The following CASR variants were observed in gnomAD, a reference collection of about 807,000 sequenced individuals.
CASR encodes calcium sensing receptor.
A neutral mutation model predicts 69.1 loss-of-function variants in CASR; 23 were observed. The observed-to-expected ratio is 0.33, with a 90% CI of 0.24 to 0.47. The LOEUF (loss-of-function observed/expected upper bound fraction) is 0.47, where lower values mean the gene tolerates loss of function less well. CASR is among the 20% of genes least tolerant of loss of function. The pLI is 1.00. For synonymous variants in CASR, 541 were observed against 544.7 expected (o/e 0.99, Z 0.10); for missense variants, 924 against 1,356.1 (o/e 0.68, Z 5.00).
At chr3:122,203,042 G>A (rs1401574156) in intron 1 of CASR, among the ~76,000 whole-genome samples, 1 of 152,136 alleles carries the variant, frequency 6.6e-6, no homozygotes, top group Non-Finnish European at 1.5e-5. Context: ...AATTATTCCA[G>A]CCAAGTATTA....
chr3:122,245,553 CTT>C (rs1360932406), intron 1 of CASR: 10 of 152,002 alleles, frequency 6.6e-5, no homozygotes, highest in Non-Finnish European at 1.5e-4. Flanking sequence ...ATAATGGCTT[CTT>C]TAGTGCCAAC....
chr3:122,279,150 G>A (rs1486943944), intron 5 of CASR, among the ~76,000 whole-genome samples: 3 of 152,086 alleles, frequency 2.0e-5, no homozygotes, highest in African/African-American at 4.8e-5. Context: ...CACTATCAAG[G>A]ACTATGAGGC....
chr3:122,209,008 C>T (rs2074035982), intron 1 of CASR, among the ~76,000 whole-genome samples: 1 of 152,176 alleles, frequency 6.6e-6, no homozygotes, highest in African/African-American at 2.4e-5. Context: ...TCCCCTGAAA[C>T]CTTGAGGGCA....
At chr3:122,261,158 G>A (rs990441019) in intron 3 of CASR, among the ~76,000 whole-genome samples, 1 of 152,214 alleles carries the variant, frequency 6.6e-6, no homozygotes, top group African/African-American at 2.4e-5. Flanking sequence ...AACCAATGAG[G>A]CAGCACAGAG....
rs563851596 is a variant in CASR, at chr3:122,264,939, C to T, written c.1377+2527C>T. ...CAAGTCTCCAGCTGGAACTCCATGT[C>T]TGCCTTCTCTCAGTTCTTCCCCTAT... On this transcript the variant is annotated intron_variant, in intron 4 of 6. Transcript: ENST00000639785. Among the ~76,000 whole-genome samples, 5 of 152,356 alleles carry T rather than the reference C, an allele frequency of 3.3e-5. No individual in the cohort carries two copies. In the South Asian group the frequency reaches 1.0e-3, roughly 32 times the overall value.
chr3:122,265,142 G>A (rs753542993), intron 4 of CASR, among the ~76,000 whole-genome samples: 9 of 152,200 alleles, frequency 5.9e-5, no homozygotes, highest in Admixed American at 4.6e-4. Flanking sequence ...TTTTCAAATC[G>A]TATTCCCACA....
intron 1 of CASR, among the ~76,000 whole-genome samples, chr3:122,237,718 G>A (rs1042701773): frequency 5.9e-5 from 9 of 152,078 alleles, no homozygotes; most frequent in Non-Finnish European, 1.2e-4. Context: ...GGGAACATAG[G>A]TAGATACAAT....
chr3:122,186,119 A>C (rs2073780961), intron 1 of CASR, among the ~76,000 whole-genome samples: 1 of 152,216 alleles, frequency 6.6e-6, no homozygotes, highest in Admixed American at 6.5e-5. Context: ...AAATTAGTTA[A>C]AAATTTTCTT....
Position 122,287,135 on chromosome 3 carries a change from T to A in CASR, c.*1944T>A, listed in dbSNP as rs1319484235. The A allele has an allele frequency of 6.6e-6, 1 of 152,200 alleles. No homozygotes were observed. The highest frequency in any genetic ancestry group is 6.5e-5 in the Admixed American group (1 of 15,280). The allele number at this position is 152,200 out of a possible 1,614,324, so 9.4% of individuals were successfully genotyped here. A position where few individuals can be genotyped will look rare whatever the true frequency, so the allele number is the denominator to read the frequency against. ...TTATATTTAACATTTTACTTGGTCTTAAAAGAAATGCTGAAAATGTGATGG... is the reference window on the plus strand; with the variant it reads ...TTATATTTAACATTTTACTTGGTCTAAAAAGAAATGCTGAAAATGTGATGG... On this transcript the variant is annotated 3_prime_UTR_variant, in exon 7 of 7. Coordinates refer to ENST00000639785, the MANE Select transcript of CASR (RefSeq NM_000388.4).
chr3:122,252,409 A>AGGTAGGAAGGAAAAAGAAAG (rs1553765626), intron 1 of CASR, among the ~76,000 whole-genome samples: 4 of 6,472 alleles, frequency 6.2e-4, no homozygotes, highest in African/African-American at 2.3e-3. Flanking sequence ...GAAGGAAGGA[A>AGGTAGGAAGGAAAAAGAAAG]AAAGAAAGAA....
Position 122,207,952 on chromosome 3 carries a change from C to G in CASR, c.-243+24140C>G, listed in dbSNP as rs546151333. On this transcript the variant is annotated intron_variant, in intron 1 of 6. Coordinates refer to ENST00000639785, the MANE Select transcript of CASR (RefSeq NM_000388.4). ...TACTGAGAGTGGGTGTGAAAGTCCC[C>G]TACTATTACTGTATTGCAGTCTATC... is the stretch of plus-strand genomic sequence containing the variant. Among the ~76,000 whole-genome samples, 6 of 152,120 alleles carry G rather than the reference C, an allele frequency of 3.9e-5. No homozygotes were observed. In the South Asian group the frequency reaches 1.2e-3, roughly 32 times the overall value.
chr3:122,262,445 A>T lies in CASR; in HGVS notation c.1377+33A>T, dbSNP rs2074640120. The T allele has an allele frequency of 3.8e-6, 6 of 1,598,592 alleles. No individual in the cohort carries two copies. In the African/African-American group the frequency reaches 4.0e-5, roughly 11 times the overall value. On this transcript the variant is annotated intron_variant, in intron 4 of 6. Transcript: ENST00000639785. ...CTTCACTTATATAGCAATTTGCTGT[A>T]TAATAAAGCAGAGTTGGGCTGCAAC...
intron 1 of CASR, among the ~76,000 whole-genome samples, chr3:122,217,458 T>C (rs571741236): frequency 1.9e-4 from 29 of 152,264 alleles, no homozygotes; most frequent in Middle Eastern, 6.8e-3. Flanking sequence ...GTGTGATAGA[T>C]GGGAAAGGGG....
chr3:122,226,310 GGC>G (rs1323539622), intron 1 of CASR, among the ~76,000 whole-genome samples: 1 of 151,530 alleles, frequency 6.6e-6, no homozygotes, highest in Admixed American at 6.6e-5. Flanking sequence ...CAGCTCTTAA[GGC>G]AGCGTGTCTG....
rs538934288 is a variant in CASR, at chr3:122,290,002, G to A, written c.*4811G>A. 1 of 151,248 alleles carries A rather than the reference G, an allele frequency of 6.6e-6. No homozygotes were observed. The highest frequency in any genetic ancestry group is 1.5e-5 in the Non-Finnish European group (1 of 68,000). The allele number at this position is 151,248 out of a possible 1,614,324, so 9.4% of individuals were successfully genotyped here. On this transcript the variant is annotated 3_prime_UTR_variant, in exon 7 of 7. Transcript: ENST00000639785. Reference sequence around the variant, plus strand: ...GAGGCTGAGGTGGGGGGATCTGCTTGAGCCCAGGAGGTGAAGGCTGCATTG... The same window carrying A: ...GAGGCTGAGGTGGGGGGATCTGCTTAAGCCCAGGAGGTGAAGGCTGCATTG...
chr3:122,281,883 T>C lies in CASR; in HGVS notation c.1609-230T>C, dbSNP rs564741741. On this transcript the variant is annotated intron_variant, in intron 5 of 6. Transcript: ENST00000639785. The stretch of plus-strand genomic sequence containing the variant: ...GTCTGTGTATGTGTGCATGCACATG[T>C]GTGTGTGTGTGTGCATGTATACACA... 6.6e-5 allele frequency among the ~76,000 whole-genome samples: 10 copies of C among 151,446 alleles called. No individual in the cohort carries two copies. The East Asian group carries it at 1.7e-3, about 26-fold the overall frequency.
At chr3:122,263,925 C>T (rs1049266868) in intron 4 of CASR, among the ~76,000 whole-genome samples, 7 of 152,110 alleles carry the variant, frequency 4.6e-5, no homozygotes, top group Admixed American at 2.6e-4. Context: ...ATTGTCTTTT[C>T]TTTCTTACCT....
intron 1 of CASR, among the ~76,000 whole-genome samples, chr3:122,188,195 A>T (rs1032769206): frequency 6.6e-6 from 1 of 152,240 alleles, no homozygotes; most frequent in African/African-American, 2.4e-5. Context: ...ATTTAGAGAC[A>T]TTATAACCAT....
intron 1 of CASR, among the ~76,000 whole-genome samples, chr3:122,211,607 C>T (rs75473459): frequency 2.8e-4 from 43 of 152,234 alleles, no homozygotes; most frequent in Non-Finnish European, 3.1e-4. Context: ...GCTCAGGAGG[C>T]TGAGACACAA....
Sources: allele counts gnomAD v4.1 joint callset (sites outside exome capture counted in the v4.1 genomes callset), GRCh38; gene constraint gnomAD v4.1.1; transcripts MANE v1.5; gene names NCBI Gene and HGNC (gene_info 2026-07-23, HGNC 2026-07-21).